Variants in OSBPL8 observed in about 807,000 individuals in gnomAD.
OSBPL8 encodes oxysterol binding protein like 8.
A neutral mutation model predicts 125.5 loss-of-function variants in OSBPL8; 59 were observed. That is an observed-to-expected ratio of 0.47 (90% CI 0.38 to 0.58). OSBPL8 has a LOEUF of 0.58. Ranked by LOEUF, OSBPL8 falls within the 20% of genes least tolerant of loss-of-function variation. The probability of loss-of-function intolerance (pLI) is 0.00; values close to 1 mark genes in which losing one functional copy is unlikely to be tolerated. For missense variants in OSBPL8, 758 were observed against 1,047.8 expected (o/e 0.72, Z 3.82); for synonymous variants, 330 against 338.9 (o/e 0.97, Z 0.29).
chr12:76,438,502 A>G (rs1207768792), intron 4 of OSBPL8, among the ~76,000 whole-genome samples: 1 of 151,976 alleles, frequency 6.6e-6, no homozygotes, highest in Non-Finnish European at 1.5e-5. Flanking sequence ...TTCTGTGTCA[A>G]TTAGGGGGTC....
At chr12:76,424,231 C>T (rs1427017882) in intron 4 of OSBPL8, among the ~76,000 whole-genome samples, 1 of 152,138 alleles carries the variant, frequency 6.6e-6, no homozygotes, top group African/African-American at 2.4e-5. Flanking sequence ...AAACTCCTGA[C>T]CTCAGGTGAT....
chr12:76,375,734 A>G (rs756483907), intron 16 of OSBPL8, among the ~76,000 whole-genome samples: 2 of 116,038 alleles, frequency 1.7e-5, no homozygotes, highest in Non-Finnish European at 3.7e-5. Context: ...CAGCTCCCAC[A>G]TTGTTTTAAA....
At chr12:76,518,841 A>C (rs562629589) in intron 1 of OSBPL8, among the ~76,000 whole-genome samples, 1 of 152,362 alleles carries the variant, frequency 6.6e-6, no homozygotes, top group African/African-American at 2.4e-5. Context: ...TAAGCAGGAC[A>C]GTGGCACCCT....
chr12:76,498,894 G>GT (rs1565946772), intron 1 of OSBPL8, among the ~76,000 whole-genome samples: 2 of 151,884 alleles, frequency 1.3e-5, no homozygotes, highest in East Asian at 1.9e-4. Flanking sequence ...TACGTTTATT[G>GT]TTTTTTGTCT....
chr12:76,504,211 T>C (rs143325459), intron 1 of OSBPL8, among the ~76,000 whole-genome samples: 16 of 152,234 alleles, frequency 1.1e-4, no homozygotes, highest in Non-Finnish European at 2.1e-4. Flanking sequence ...GCAAATTTCA[T>C]ACTTGCTAGT....
chr12:76,557,630 AAT>A (rs1260328239), intron 1 of OSBPL8, among the ~76,000 whole-genome samples: 68 of 150,038 alleles, frequency 4.5e-4, no homozygotes, highest in African/African-American at 1.6e-3. Flanking sequence ...AAAAAAAAAA[AAT>A]CCTTTTGTAA....
chr12:76,411,877 G>A (rs1954527844), intron 4 of OSBPL8, among the ~76,000 whole-genome samples: 1 of 152,038 alleles, frequency 6.6e-6, no homozygotes, highest in Admixed American at 6.6e-5. Context: ...CACCATCCAG[G>A]TACAGGTGAA....
intron 4 of OSBPL8, among the ~76,000 whole-genome samples, chr12:76,428,303 T>C (rs1353627152): frequency 6.6e-6 from 1 of 151,834 alleles, no homozygotes; most frequent in African/African-American, 2.4e-5. Flanking sequence ...TTCTTTCTAT[T>C]GAGATAAAAG....
At chr12:76,447,322 T>A (rs1872822254) in intron 4 of OSBPL8, among the ~76,000 whole-genome samples, 2 of 152,138 alleles carry the variant, frequency 1.3e-5, no homozygotes, top group Admixed American at 1.3e-4. Flanking sequence ...AGCAGGACAA[T>A]CAGATATTAA....
At chr12:76,409,122 C>T (rs746887736) in intron 5 of OSBPL8, among the ~76,000 whole-genome samples, 12 of 152,046 alleles carry the variant, frequency 7.9e-5, no homozygotes, top group Non-Finnish European at 1.0e-4. Flanking sequence ...ACTCACTACC[C>T]GAAAATATAG....
At chr12:76,356,822 G>T (rs1952005819) in intron 22 of OSBPL8, 94 bp from the exon 23 acceptor site, 3 of 777,706 alleles carry the variant, frequency 3.9e-6, no homozygotes, top group South Asian at 3.7e-5. Flanking sequence ...CTGGGCATTT[G>T]TTTTTGTAGC....
intron 1 of OSBPL8, among the ~76,000 whole-genome samples, chr12:76,516,320 A>G (rs1032789481): frequency 1.8e-4 from 27 of 152,182 alleles, no homozygotes; most frequent in African/African-American, 6.3e-4. Context: ...GCACACATAA[A>G]CCTTAATAAA....
intron 18 of OSBPL8, 179 bp from the exon 19 acceptor site, chr12:76,371,763 CATTAAG>C (rs1322343472): frequency 3.8e-6 from 2 of 527,618 alleles, no homozygotes; most frequent in African/African-American, 2.0e-5. Flanking sequence ...TTTATAAAAA[CATTAAG>C]ATTGACTACG....
intron 4 of OSBPL8, among the ~76,000 whole-genome samples, chr12:76,429,675 T>A (rs2136561988): frequency 6.6e-6 from 1 of 152,268 alleles, no homozygotes; most frequent in African/African-American, 2.4e-5. Context: ...AACAACAATG[T>A]GACATATAAA....
chr12:76,445,385 C>T (rs1872627452), intron 4 of OSBPL8, among the ~76,000 whole-genome samples: 1 of 151,908 alleles, frequency 6.6e-6, no homozygotes, highest in Non-Finnish European at 1.5e-5. Flanking sequence ...AATTGGGCAT[C>T]AATGAAATTA....
intron 16 of OSBPL8, among the ~76,000 whole-genome samples, chr12:76,377,705 G>A (rs1219301319): frequency 1.3e-5 from 2 of 152,112 alleles, no homozygotes; most frequent in African/African-American, 4.8e-5. Context: ...GGTTGGAAGG[G>A]AGGATACACA....
intron 1 of OSBPL8, among the ~76,000 whole-genome samples, chr12:76,535,497 C>G (rs1950469024): frequency 6.6e-6 from 1 of 152,116 alleles, no homozygotes; most frequent in Non-Finnish European, 1.5e-5. Flanking sequence ...AACTCTCATA[C>G]ATTGCTGGTG....
chr12:76,434,961 T>C (rs74826035), intron 4 of OSBPL8, among the ~76,000 whole-genome samples: 2,525 of 152,222 alleles, frequency 0.017, 39 homozygotes, highest in East Asian at 0.1. Context: ...TTCAAAAGAT[T>C]CAAAATAGAA....
Position 76,375,387 on chromosome 12 carries a change from T to A in OSBPL8, c.1730-17A>T. 1.3e-6 allele frequency: 2 copies of A among 1,575,110 alleles called. No individual in the cohort carries two copies. The highest frequency in any genetic ancestry group is 1.7e-6 in the Non-Finnish European group (2 of 1,147,224). Reference sequence around the variant, plus strand: ...AAAGAATTCCTAAAGGAAAAAGATTTGACAAAAAATTGAAAAGAGTATAGT... The same window carrying A: ...AAAGAATTCCTAAAGGAAAAAGATTAGACAAAAAATTGAAAAGAGTATAGT... On this transcript the variant is annotated splice_polypyrimidine_tract_variant and intron_variant, in intron 16 of 23. Coordinates refer to ENST00000261183, the MANE Select transcript of OSBPL8 (RefSeq NM_020841.5).
Sources: gnomAD v4.1 joint callset for allele counts (sites outside exome capture counted in the v4.1 genomes callset) on GRCh38, gnomAD v4.1.1 for gene constraint, MANE v1.5 for transcripts, NCBI Gene and HGNC (gene_info 2026-07-23, HGNC 2026-07-21) for gene names.